NCAM2: variants seen among roughly 807,000 people sequenced by gnomAD.
NCAM2 encodes neural cell adhesion molecule 2.
A neutral mutation model predicts 98.1 loss-of-function variants in NCAM2; 30 were observed. That is an observed-to-expected ratio of 0.31 (90% CI 0.23 to 0.41). NCAM2 has a LOEUF of 0.41. Ranked by LOEUF, NCAM2 falls within the 10% of genes least tolerant of loss-of-function variation. The pLI, the probability that NCAM2 is intolerant of heterozygous loss-of-function variation, is 1.00. For missense variants in NCAM2, 867 were observed against 1,005.8 expected, an observed-to-expected ratio of 0.86 and a Z score of 1.87; for synonymous variants, 368 against 342.4, an observed-to-expected ratio of 1.07 and a Z score of -0.83.
chr21:21,153,595 A>G (rs1193712053), intron 1 of NCAM2, among the ~76,000 whole-genome samples: 1 of 151,956 alleles, frequency 6.6e-6, no homozygotes, highest in African/African-American at 2.4e-5. Context: ...TTTGTAAGAC[A>G]TGGTTGAATG....
intron 1 of NCAM2, among the ~76,000 whole-genome samples, chr21:21,046,110 A>G (rs368730125): frequency 1.3e-5 from 2 of 152,160 alleles, no homozygotes; most frequent in African/African-American, 2.4e-5. Flanking sequence ...GTGAAGTGAT[A>G]TATGTAAAGC....
At chr21:21,473,781 T>TTGC (rs1984789140) in intron 14 of NCAM2, among the ~76,000 whole-genome samples, 1 of 151,944 alleles carries the variant, frequency 6.6e-6, no homozygotes, top group Non-Finnish European at 1.5e-5. Flanking sequence ...CCCTTACACC[T>TTGC]TGCCTCTAAT....
intron 1 of NCAM2, among the ~76,000 whole-genome samples, chr21:21,077,724 G>A (rs1412970606): frequency 6.6e-6 from 1 of 152,038 alleles, no homozygotes; most frequent in Non-Finnish European, 1.5e-5. Context: ...ACTTTCATTG[G>A]CTCCATTAGA....
At chr21:21,279,004 T>G (rs2072831396) in intron 1 of NCAM2, among the ~76,000 whole-genome samples, 1 of 152,166 alleles carries the variant, frequency 6.6e-6, no homozygotes, top group Non-Finnish European at 1.5e-5. Flanking sequence ...AATGTCAGAC[T>G]ACACCCCCAG....
intron 1 of NCAM2, among the ~76,000 whole-genome samples, chr21:21,206,545 A>G (rs2069444931): frequency 6.6e-6 from 1 of 152,138 alleles, no homozygotes; most frequent in East Asian, 1.9e-4. Context: ...GGCATCACGA[A>G]CACCACCCGC....
intron 1 of NCAM2, among the ~76,000 whole-genome samples, chr21:21,135,106 C>T (rs901461602): frequency 2.0e-5 from 3 of 151,256 alleles, no homozygotes; most frequent in South Asian, 2.1e-4. Context: ...ATTAGCTGGG[C>T]GTGGTGCCGG....
intron 1 of NCAM2, among the ~76,000 whole-genome samples, chr21:21,013,360 A>G (rs575492806): frequency 3.9e-5 from 6 of 152,360 alleles, no homozygotes; most frequent in Non-Finnish European, 7.3e-5. Context: ...ACTAGCCACA[A>G]TATTCTCTTA....
intron 8 of NCAM2, among the ~76,000 whole-genome samples, chr21:21,342,246 T>C (rs1183653771): frequency 6.6e-6 from 1 of 152,184 alleles, no homozygotes; most frequent in Non-Finnish European, 1.5e-5. Flanking sequence ...CCCCATAATA[T>C]AATGGCACAA....
intron 15 of NCAM2, among the ~76,000 whole-genome samples, chr21:21,507,548 C>G (rs1475551091): frequency 6.6e-6 from 1 of 152,092 alleles, no homozygotes; most frequent in Non-Finnish European, 1.5e-5. Flanking sequence ...AATCCCAGCA[C>G]TTTGGGAGGC....
intron 1 of NCAM2, among the ~76,000 whole-genome samples, chr21:21,153,162 A>G (rs1004457779): frequency 1.3e-5 from 2 of 149,788 alleles, no homozygotes; most frequent in South Asian, 2.1e-4. Flanking sequence ...CCAGCCATGG[A>G]AAATTCACTA....
intron 1 of NCAM2, among the ~76,000 whole-genome samples, chr21:21,083,993 A>G (rs1215528865): frequency 6.6e-6 from 1 of 152,162 alleles, no homozygotes. Flanking sequence ...AACACCATAA[A>G]TTGGGTGGCT....
chr21:21,190,388 A>G (rs2068782233), intron 1 of NCAM2, among the ~76,000 whole-genome samples: 1 of 152,164 alleles, frequency 6.6e-6, no homozygotes, highest in Non-Finnish European at 1.5e-5. Context: ...TCTCTTATCT[A>G]CCCACCCATC....
intron 1 of NCAM2, among the ~76,000 whole-genome samples, chr21:21,169,368 A>T (rs1169459092): frequency 6.6e-6 from 1 of 152,202 alleles, no homozygotes; most frequent in Non-Finnish European, 1.5e-5. Flanking sequence ...TAAGATCTAC[A>T]TGACCTTGTG....
intron 1 of NCAM2, among the ~76,000 whole-genome samples, chr21:21,149,562 C>T (rs2067384985): frequency 1.3e-5 from 2 of 151,932 alleles, no homozygotes; most frequent in African/African-American, 4.8e-5. Flanking sequence ...GCTCTCCCTC[C>T]CCTTGCCCCC....
rs566129005 is a variant in NCAM2, at chr21:21,047,468, A to G, written c.55+48850A>G. ...TTTCAGACAGACTAAAGGTACAGAT[A>G]TGTTGATGAAACAAACAAAAAAGAA... On this transcript the variant is annotated intron_variant, in intron 1 of 17. Coordinates refer to ENST00000400546, the MANE Select transcript of NCAM2 (RefSeq NM_004540.5). Among the ~76,000 whole-genome samples, 13 of 152,290 alleles carry G rather than the reference A, an allele frequency of 8.5e-5. No homozygotes were observed. In the South Asian group the frequency reaches 2.3e-3, roughly 27 times the overall value.
At chr21:21,448,598 G>T (rs1446220096) in intron 12 of NCAM2, among the ~76,000 whole-genome samples, 1 of 151,938 alleles carries the variant, frequency 6.6e-6, no homozygotes, top group Non-Finnish European at 1.5e-5. Flanking sequence ...AAATCTTAAT[G>T]AGTTACAGTG....
intron 1 of NCAM2, among the ~76,000 whole-genome samples, chr21:21,084,579 G>A (rs985427): frequency 0.36 from 54,613 of 151,998 alleles, 11,421 homozygotes; most frequent in African/African-American, 0.58. Context: ...TATGTATGAT[G>A]TTTAAGTTTC....
At chr21:21,519,104 G>A (rs1036913432) in intron 16 of NCAM2, among the ~76,000 whole-genome samples, 1 of 152,068 alleles carries the variant, frequency 6.6e-6, no homozygotes, top group Non-Finnish European at 1.5e-5. Context: ...GCTTATTGGT[G>A]AGAGTCAGAG....
intron 8 of NCAM2, among the ~76,000 whole-genome samples, chr21:21,339,816 A>G (rs189569069): frequency 1.0e-3 from 159 of 151,994 alleles, no homozygotes; most frequent in Non-Finnish European, 1.8e-3. Flanking sequence ...TTTCCTTTTG[A>G]AAGACTGTGT....
Sources: allele counts gnomAD v4.1 joint callset (sites outside exome capture counted in the v4.1 genomes callset), GRCh38; gene constraint gnomAD v4.1.1; transcripts MANE v1.5; gene names NCBI Gene and HGNC (gene_info 2026-07-23, HGNC 2026-07-21).